The following RBFOX1 variants were observed in gnomAD, a reference collection of about 807,000 sequenced individuals.
The protein encoded by RBFOX1 is RNA binding protein fox-1 homolog 1.
RBFOX1 carries 8 observed loss-of-function variants against 57.7 expected under a neutral mutation model. The ratio of observed to expected loss-of-function variants is 0.14; its 90% confidence interval spans 0.08 to 0.25. RBFOX1 has a LOEUF of 0.25. Ranked by LOEUF, RBFOX1 falls within the 10% of genes least tolerant of loss-of-function variation. The probability of loss-of-function intolerance (pLI) is 1.00; values close to 1 mark genes in which losing one functional copy is unlikely to be tolerated. For synonymous variants in RBFOX1, 326 were observed against 222.4 expected (o/e 1.47, Z -4.15); for missense variants, 611 against 548.5 (o/e 1.11, Z -1.14).
intron 1 of RBFOX1, among the ~76,000 whole-genome samples, chr16:6,086,999 C>A (rs575357383): frequency 1.3e-5 from 2 of 152,244 alleles, no homozygotes; most frequent in Admixed American, 6.5e-5. Context: ...TCAAGAGGAA[C>A]CCTTCTCACA....
chr16:5,674,973 C>T (rs775501616), intron 3 of RBFOX1, among the ~76,000 whole-genome samples: 16 of 152,022 alleles, frequency 1.1e-4, no homozygotes, highest in South Asian at 2.1e-4. Flanking sequence ...ACAGCAAAAC[C>T]GCGTCTCTCC....
At chr16:6,897,958 T>C (rs2067374641) in intron 3 of RBFOX1, among the ~76,000 whole-genome samples, 1 of 152,150 alleles carries the variant, frequency 6.6e-6, no homozygotes, top group Non-Finnish European at 1.5e-5. Context: ...CGGATCCCTG[T>C]GTTATAGGTA....
At chr16:6,879,697 T>G (rs2062536038) in intron 3 of RBFOX1, among the ~76,000 whole-genome samples, 1 of 152,252 alleles carries the variant, frequency 6.6e-6, no homozygotes, top group Non-Finnish European at 1.5e-5. Context: ...TCTGTTTAAT[T>G]GTAATATTCT....
intron 4 of RBFOX1, among the ~76,000 whole-genome samples, chr16:6,010,854 T>A (rs2094957185): frequency 1.3e-5 from 2 of 152,250 alleles, no homozygotes; most frequent in African/African-American, 4.8e-5. Context: ...GTGATTTTTT[T>A]TCTTTAGTGG....
At chr16:5,848,141 C>A (rs761239005) in intron 3 of RBFOX1, among the ~76,000 whole-genome samples, 2 of 152,130 alleles carry the variant, frequency 1.3e-5, no homozygotes, top group African/African-American at 2.4e-5. Context: ...AAATGGCATA[C>A]AAACTGCATG....
At chr16:5,469,205 C>T (rs970800744) in intron 2 of RBFOX1, among the ~76,000 whole-genome samples, 2 of 152,212 alleles carry the variant, frequency 1.3e-5, no homozygotes, top group African/African-American at 4.8e-5. Flanking sequence ...GCATTTTGCA[C>T]TGCTGGGAGC....
chr16:6,747,874 A>T (rs2074094476), intron 3 of RBFOX1, among the ~76,000 whole-genome samples: 1 of 152,174 alleles, frequency 6.6e-6, no homozygotes, highest in African/African-American at 2.4e-5. Context: ...TAGGCAATCC[A>T]TACCTTATGG....
At chr16:7,242,225 C>A (rs567859737) in intron 4 of RBFOX1, among the ~76,000 whole-genome samples, 2 of 152,090 alleles carry the variant, frequency 1.3e-5, no homozygotes, top group East Asian at 3.9e-4. Flanking sequence ...TAGTTTATCC[C>A]CAAAGGACTG....
At chr16:6,358,062 AC>A (rs1457477792) in intron 2 of RBFOX1, among the ~76,000 whole-genome samples, 2 of 152,098 alleles carry the variant, frequency 1.3e-5, no homozygotes, top group Non-Finnish European at 2.9e-5. Context: ...AACTTCCAGA[AC>A]CCTTTGAGAG....
In RBFOX1 at chr16:7,204,319, C is replaced by T. The variant is rs536472070; in HGVS notation, c.27+152221C>T. 2.9e-4 allele frequency among the ~76,000 whole-genome samples: 44 copies of T among 152,286 alleles called. No homozygotes were observed. In the South Asian group the frequency reaches 6.0e-3, roughly 21 times the overall value. Reference sequence around the variant, plus strand: ...TTTAATCTGAGGGAGGACAGGATTGCAAACACTTTAATATTAGCATTCCCA... The same window carrying T: ...TTTAATCTGAGGGAGGACAGGATTGTAAACACTTTAATATTAGCATTCCCA... On this transcript the variant is annotated intron_variant, in intron 4 of 15. Transcript: ENST00000550418.
Position 6,881,711 on chromosome 16 carries a change from C to T in RBFOX1, c.-15-170346C>T, listed in dbSNP as rs10083741. On this transcript the variant is annotated intron_variant, in intron 3 of 15. Transcript: ENST00000550418. ...CTTCAACGTCTTAACGTTGAATTTG[C>T]GGGGACAATTTAACACATCACACTG... Among the ~76,000 whole-genome samples, 544 of 152,082 alleles carry T rather than the reference C, an allele frequency of 3.6e-3. 6 individuals carry two copies. Among genetic ancestry groups the T allele is most frequent in the African/African-American group, 0.012 (479 of 41,448 alleles).
intron 4 of RBFOX1, among the ~76,000 whole-genome samples, chr16:7,484,782 C>A (rs1008661093): frequency 7.2e-5 from 11 of 152,122 alleles, no homozygotes; most frequent in African/African-American, 2.7e-4. Flanking sequence ...GTATTTTTCG[C>A]ACAGCTCCCA....
At chr16:7,363,949 C>T (rs950460024) in intron 4 of RBFOX1, among the ~76,000 whole-genome samples, 2 of 151,918 alleles carry the variant, frequency 1.3e-5, no homozygotes, top group Non-Finnish European at 2.9e-5. Context: ...TTCCTGGTGT[C>T]TTATGGTGAG....
intron 3 of RBFOX1, among the ~76,000 whole-genome samples, chr16:6,932,776 A>G (rs1159015528): frequency 6.6e-6 from 1 of 152,192 alleles, no homozygotes; most frequent in Non-Finnish European, 1.5e-5. Flanking sequence ...TTAACTTTTT[A>G]TTGCACAGTT....
chr16:6,378,415 C>T (rs987295719), intron 2 of RBFOX1, among the ~76,000 whole-genome samples: 1 of 152,200 alleles, frequency 6.6e-6, no homozygotes, highest in Non-Finnish European at 1.5e-5. Context: ...TGTCAGCATG[C>T]TGGAAGCAGC....
chr16:6,121,353 A>G (rs769002114), intron 1 of RBFOX1, among the ~76,000 whole-genome samples: 2 of 152,182 alleles, frequency 1.3e-5, no homozygotes, highest in Non-Finnish European at 2.9e-5. Context: ...GCCTGTCTAC[A>G]TGGTGGGCCA....
chr16:5,823,622 A>G (rs771903887), intron 3 of RBFOX1, among the ~76,000 whole-genome samples: 2 of 152,090 alleles, frequency 1.3e-5, no homozygotes, highest in South Asian at 2.1e-4. Context: ...CATCACTCAC[A>G]TTATCACCTG....
At chr16:7,112,100 G>T (rs535606167) in intron 4 of RBFOX1, among the ~76,000 whole-genome samples, 10 of 152,294 alleles carry the variant, frequency 6.6e-5, no homozygotes, top group Middle Eastern at 3.4e-3. Flanking sequence ...AAAATATCCT[G>T]TGATCTTATG....
chr16:6,330,524 C>G (rs2082891307), intron 2 of RBFOX1, among the ~76,000 whole-genome samples: 1 of 152,178 alleles, frequency 6.6e-6, no homozygotes, highest in Admixed American at 6.5e-5. Flanking sequence ...TTCCTCATCT[C>G]TTCCTTACTG....
Sources: gnomAD v4.1 joint callset for allele counts (sites outside exome capture counted in the v4.1 genomes callset) on GRCh38, gnomAD v4.1.1 for gene constraint, MANE v1.5 for transcripts, NCBI Gene and HGNC (gene_info 2026-07-23, HGNC 2026-07-21) for gene names.